GHR: variants seen among roughly 807,000 people sequenced by gnomAD.
GHR encodes the protein growth hormone receptor.
Under a neutral mutation model 67.1 loss-of-function variants are expected in GHR, and 35 were observed. The ratio of observed to expected loss-of-function variants is 0.52; its 90% CI spans 0.40 to 0.69. GHR has a LOEUF of 0.69. Ranked by LOEUF, GHR falls within the 30% of genes least tolerant of loss-of-function variation. The pLI, the probability that GHR is intolerant of heterozygous loss-of-function variation, is 0.00. For missense variants in GHR, 792 were observed against 764.6 expected (o/e 1.04, Z -0.42); for synonymous variants, 272 against 269.1 (o/e 1.01, Z -0.10).
At chr5:42,589,947 T>C (rs1375040057) in intron 2 of GHR, among the ~76,000 whole-genome samples, 1 of 152,166 alleles carries the variant, frequency 6.6e-6, no homozygotes, top group Admixed American at 6.5e-5. Flanking sequence ...AAAACACTGG[T>C]AAATGGCTCT....
chr5:42,469,647 G>A (rs1364959895), intron 1 of GHR, among the ~76,000 whole-genome samples: 1 of 152,122 alleles, frequency 6.6e-6, no homozygotes, highest in Admixed American at 6.6e-5. Flanking sequence ...TCCCAGACCC[G>A]GGGTAGTGCG....
rs183238474 is a variant in GHR at position 42,509,082 on chromosome 5, A to C, written c.-11-56782A>C. Reference sequence around the variant, plus strand: ...AACATCCTCACCTCACACCTTATACACTTTACTCCATGGTTCATTTTCAGT... The same window carrying C: ...AACATCCTCACCTCACACCTTATACCCTTTACTCCATGGTTCATTTTCAGT... On this transcript the variant is annotated intron_variant, in intron 1 of 9. Coordinates refer to ENST00000230882, the MANE Select transcript of GHR (RefSeq NM_000163.5). Among the ~76,000 whole-genome samples the C allele has an allele frequency of 3.9e-5, 6 of 152,140 alleles. No individual in the cohort carries two copies. The East Asian group carries it at 7.7e-4, about 20-fold the overall frequency.
At chr5:42,681,258 T>A in intron 3 of GHR, among the ~76,000 whole-genome samples, 1 of 80,890 alleles carries the variant, frequency 1.2e-5, no homozygotes, top group Non-Finnish European at 2.6e-5. Flanking sequence ...CTTCAATAAA[T>A]TTACAAGAAA....
chr5:42,514,343 G>C lies in GHR; in HGVS notation c.-11-51521G>C, dbSNP rs202014245. Reference sequence around the variant, plus strand: ...ACTTCACCCCTTGTTGAGATCTCCAGCCTTGCTCCTCTGATAACCAGGTCT... The same window carrying C: ...ACTTCACCCCTTGTTGAGATCTCCACCCTTGCTCCTCTGATAACCAGGTCT... On this transcript the variant is annotated intron_variant, in intron 1 of 9. Transcript: ENST00000230882. The C allele has an allele frequency of 6.3e-6, 6 of 954,566 alleles. No homozygotes were observed. In the South Asian group the frequency reaches 2.9e-4, roughly 47 times the overall value. 59.1% of individuals were successfully genotyped at this position (954,566 alleles called of 1,614,324 possible). A position where few individuals can be genotyped will look rare whatever the true frequency, so the allele number is the denominator to read the frequency against.
chr5:42,612,611 A>G (rs955618231), intron 2 of GHR, among the ~76,000 whole-genome samples: 5 of 152,242 alleles, frequency 3.3e-5, no homozygotes, highest in Admixed American at 3.3e-4. Flanking sequence ...TTGTAAAATT[A>G]TTGTCATTTC....
chr5:42,485,159 C>T (rs896256316), intron 1 of GHR, among the ~76,000 whole-genome samples: 49 of 152,320 alleles, frequency 3.2e-4, no homozygotes, highest in African/African-American at 1.1e-3. Context: ...AAATGAGACT[C>T]TGTCCCTTAC....
intron 3 of GHR, chr5:42,659,150 T>C (rs1441839881): frequency 6.6e-6 from 1 of 152,212 alleles, no homozygotes; most frequent in Non-Finnish European, 1.5e-5. Context: ...TATAATAATC[T>C]GATTTATTTT....
chr5:42,716,716 T>G lies in GHR; in HGVS notation c.876-1336T>G, dbSNP rs543561175. On this transcript the variant is annotated intron_variant, in intron 8 of 9. Coordinates refer to ENST00000230882, the MANE Select transcript of GHR (RefSeq NM_000163.5). ...GTAATTCATCAGTAACAATATGCTT[T>G]AACATTTGCCCCACTGAGTAGTAGA... Among the ~76,000 whole-genome samples, 6 of 152,352 alleles carry G rather than the reference T, an allele frequency of 3.9e-5. 1 individual carries two copies. The highest frequency in any genetic ancestry group is 3.3e-4 in the Admixed American group (5 of 15,298).
At chr5:42,518,618 C>T (rs551805851) in intron 1 of GHR, among the ~76,000 whole-genome samples, 14 of 152,236 alleles carry the variant, frequency 9.2e-5, no homozygotes, top group African/African-American at 3.1e-4. Flanking sequence ...TCAGAGTTAG[C>T]GAGCATTTGG....
chr5:42,443,279 A>C (rs528349012), intron 1 of GHR, among the ~76,000 whole-genome samples: 1 of 152,322 alleles, frequency 6.6e-6, no homozygotes, highest in South Asian at 2.1e-4. Flanking sequence ...CTTGGAACTC[A>C]GTGAGAAGGA....
At chr5:42,693,925 T>G (rs1004746987) in intron 4 of GHR, among the ~76,000 whole-genome samples, 1 of 152,190 alleles carries the variant, frequency 6.6e-6, no homozygotes, top group Non-Finnish European at 1.5e-5. Context: ...AAGTAGCAAT[T>G]CTAATTTAAG....
At position 42,682,992 on chromosome 5, in the gene GHR, G is replaced by GTT. The variant is rs796935034; in HGVS notation, c.137-5891_137-5890dup. ...GTTGGCAGGATTCAGTTCCTCAAAG[G>GTT]TTTTTTTTATTTTTATATATTTTTT... On this transcript the variant is annotated intron_variant, in intron 3 of 9. Coordinates refer to ENST00000230882, the MANE Select transcript of GHR (RefSeq NM_000163.5). Among the ~76,000 whole-genome samples, 314 of 151,490 alleles carry GTT rather than the reference G, an allele frequency of 2.1e-3. 1 individual carries two copies. The highest frequency in any genetic ancestry group is 7.4e-3 in the African/African-American group (304 of 41,342).
intron 3 of GHR, among the ~76,000 whole-genome samples, chr5:42,652,794 G>A (rs1377154203): frequency 6.6e-6 from 1 of 152,142 alleles, no homozygotes; most frequent in African/African-American, 2.4e-5. Context: ...AGGAAGAGAA[G>A]TGACTTGCTG....
In GHR at chr5:42,552,911, G is replaced by C. The variant is rs369796285; in HGVS notation, c.-11-12953G>C. 8.1e-4 allele frequency among the ~76,000 whole-genome samples: 123 copies of C among 152,292 alleles called. No homozygotes were observed. The East Asian group carries it at 0.015, about 19-fold the overall frequency. The stretch of plus-strand genomic sequence containing the variant: ...AGACAAAGCTGTAAATTATTTACTA[G>C]TTTTTCAACATTTCCTTATCACTTA... On this transcript the variant is annotated intron_variant, in intron 1 of 9. Transcript: ENST00000230882.
chr5:42,448,622 G>A (rs1743920002), intron 1 of GHR, among the ~76,000 whole-genome samples: 1 of 148,692 alleles, frequency 6.7e-6, no homozygotes, highest in Non-Finnish European at 1.5e-5. Context: ...TTGCTGTGCA[G>A]AAGCTTTTTA....
intron 3 of GHR, among the ~76,000 whole-genome samples, chr5:42,654,499 AATCTTAT>A (rs1354222980): frequency 6.6e-6 from 1 of 152,096 alleles, no homozygotes; most frequent in Admixed American, 6.6e-5. Context: ...CGTCTCACCA[AATCTTAT>A]AACATGAATA....
chr5:42,665,078 C>G (rs1004862206), intron 3 of GHR, among the ~76,000 whole-genome samples: 1 of 152,138 alleles, frequency 6.6e-6, no homozygotes, highest in Non-Finnish European at 1.5e-5. Context: ...GAATGGCGAT[C>G]ATTAAAAAGT....
intron 1 of GHR, among the ~76,000 whole-genome samples, chr5:42,474,313 G>GAAAGAAAGA (rs1554054609): frequency 7.2e-6 from 1 of 138,356 alleles, no homozygotes; most frequent in Non-Finnish European, 1.6e-5. Context: ...AAGAAAGAAA[G>GAAAGAAAGA]AAAGAAAGAA....
At chr5:42,716,088 C>A (rs1322036549) in intron 8 of GHR, among the ~76,000 whole-genome samples, 1 of 151,960 alleles carries the variant, frequency 6.6e-6, no homozygotes, top group Non-Finnish European at 1.5e-5. Context: ...CATTTGGAAA[C>A]CTTTGCTTCC....
Sources: gnomAD v4.1 joint callset for allele counts (sites outside exome capture counted in the v4.1 genomes callset) on GRCh38, gnomAD v4.1.1 for gene constraint, MANE v1.5 for transcripts, NCBI Gene and HGNC (gene_info 2026-07-23, HGNC 2026-07-21) for gene names.